The following CNTN5 variants were observed in gnomAD, a reference collection of about 807,000 sequenced individuals.
CNTN5 encodes the protein contactin 5.
In CNTN5, 77 loss-of-function variants were observed where a neutral mutation model predicts 129.1. That is an observed-to-expected ratio of 0.60 (90% CI 0.50 to 0.72). The LOEUF is 0.72. Among genes scored for constraint, CNTN5 ranks in the 30% least tolerant of loss-of-function variants. The pLI is 0.00. For missense variants in CNTN5, 1,478 were observed against 1,328.8 expected (o/e 1.11, Z -1.75); for synonymous variants, 509 against 465.6 (o/e 1.09, Z -1.20).
Position 99,972,921 on chromosome 11 carries a change from T to A in CNTN5, c.877+15912T>A, listed in dbSNP as rs570719466. Among the ~76,000 whole-genome samples, 160 of 151,610 alleles carry A rather than the reference T, an allele frequency of 1.1e-3. 4 individuals are homozygous for A. Among genetic ancestry groups the A allele is most frequent in the Middle Eastern group, 3.4e-3 (1 of 292 alleles). The stretch of plus-strand genomic sequence containing the variant: ...CAGTATATTTTAATTGTGTGTACAG[T>A]AAAATGTACTGAGTGTTTCCGTACA... On this transcript the variant is annotated intron_variant, in intron 8 of 24. Transcript: ENST00000524871.
At chr11:99,915,842 G>T (rs1317273385) in intron 6 of CNTN5, among the ~76,000 whole-genome samples, 1 of 152,160 alleles carries the variant, frequency 6.6e-6, no homozygotes, top group African/African-American at 2.4e-5. Flanking sequence ...TAAAAATAAA[G>T]AGTGTGGTTT....
At chr11:99,055,792 C>A (rs1864602621) in intron 1 of CNTN5, among the ~76,000 whole-genome samples, 1 of 151,952 alleles carries the variant, frequency 6.6e-6, no homozygotes, top group Non-Finnish European at 1.5e-5. Context: ...ATTGTCAGAA[C>A]CAGAATGAGT....
At chr11:99,936,944 A>G (rs979125255) in intron 7 of CNTN5, among the ~76,000 whole-genome samples, 1 of 152,200 alleles carries the variant, frequency 6.6e-6, no homozygotes, top group African/African-American at 2.4e-5. Context: ...GGAAACAACC[A>G]TGATATCGAT....
At chr11:99,518,543 C>A (rs1947146061) in intron 2 of CNTN5, among the ~76,000 whole-genome samples, 1 of 151,912 alleles carries the variant, frequency 6.6e-6, no homozygotes, top group African/African-American at 2.4e-5. Context: ...AATTTTACTT[C>A]CAAAAGGAAG....
rs147368374 is a variant in CNTN5 at position 99,191,398 on chromosome 11, G to A, written c.-209-133948G>A. ...CCTTCAATTTCTTGGAAGAGTTTGA[G>A]AGAGAGTGGTATTAGGAGTAGGAAA... On this transcript the variant is annotated intron_variant, in intron 1 of 24. Transcript: ENST00000524871. 4.6e-5 allele frequency among the ~76,000 whole-genome samples: 7 copies of A among 151,772 alleles called. No individual in the cohort carries two copies. The East Asian group carries it at 1.4e-3, about 29-fold the overall frequency.
chr11:99,667,027 A>T (rs900321865), intron 3 of CNTN5, among the ~76,000 whole-genome samples: 22 of 152,092 alleles, frequency 1.4e-4, no homozygotes, highest in African/African-American at 5.1e-4. Context: ...TAGAATAATT[A>T]TTAGTATCAT....
At chr11:99,598,277 T>C (rs1950187309) in intron 3 of CNTN5, among the ~76,000 whole-genome samples, 1 of 5,298 alleles carries the variant, frequency 1.9e-4, no homozygotes, top group African/African-American at 4.1e-4. Context: ...TTCTTTTCTT[T>C]TCTTTTCTTT....
chr11:100,041,612 C>T (rs1942383409), intron 9 of CNTN5, among the ~76,000 whole-genome samples: 1 of 152,138 alleles, frequency 6.6e-6, no homozygotes, highest in Non-Finnish European at 1.5e-5. Flanking sequence ...TAAGAAACAC[C>T]TAGGCAAAAA....
chr11:99,789,195 A>G lies in CNTN5; in HGVS notation c.56-30349A>G, dbSNP rs550294419. ...ATTAGATATAAAAACAATACAAATT[A>G]TGATTATGAAACAATTTGTAGACTT... On this transcript the variant is annotated intron_variant, in intron 3 of 24. Coordinates refer to ENST00000524871, the MANE Select transcript of CNTN5 (RefSeq NM_014361.4). Among the ~76,000 whole-genome samples, 7 of 152,042 alleles carry G rather than the reference A, an allele frequency of 4.6e-5. No homozygotes were observed. The South Asian group carries it at 8.3e-4, about 18-fold the overall frequency.
chr11:99,406,760 A>T (rs1942087652), intron 2 of CNTN5, among the ~76,000 whole-genome samples: 1 of 152,164 alleles, frequency 6.6e-6, no homozygotes, highest in Non-Finnish European at 1.5e-5. Flanking sequence ...TAGCATTCAG[A>T]TCATAAGACA....
chr11:99,775,111 A>G (rs1296005122), intron 3 of CNTN5, among the ~76,000 whole-genome samples: 1 of 152,010 alleles, frequency 6.6e-6, no homozygotes. Flanking sequence ...ACTGATCATC[A>G]TTGTGGCCAT....
chr11:100,088,563 C>T (rs1944640751), intron 13 of CNTN5, among the ~76,000 whole-genome samples: 1 of 151,930 alleles, frequency 6.6e-6, no homozygotes, highest in Admixed American at 6.6e-5. Flanking sequence ...ACATTACAAC[C>T]AATCCCACAG....
At chr11:99,906,184 T>C (rs937533864) in intron 6 of CNTN5, among the ~76,000 whole-genome samples, 2 of 152,020 alleles carry the variant, frequency 1.3e-5, no homozygotes, top group Non-Finnish European at 2.9e-5. Context: ...TGAATAGGAG[T>C]GGTGAGAGAG....
At chr11:100,071,131 A>G (rs1166741476) in intron 11 of CNTN5, among the ~76,000 whole-genome samples, 3 of 151,936 alleles carry the variant, frequency 2.0e-5, no homozygotes, top group Non-Finnish European at 2.9e-5. Context: ...TTTGTTTTTT[A>G]TACTATCTTA....
chr11:100,059,554 C>A (rs1384898090), intron 9 of CNTN5, among the ~76,000 whole-genome samples: 1 of 151,966 alleles, frequency 6.6e-6, no homozygotes, highest in Non-Finnish European at 1.5e-5. Context: ...AAACATTTCA[C>A]AGAAATGCAA....
chr11:99,452,640 T>A (rs1395145323), intron 2 of CNTN5, among the ~76,000 whole-genome samples: 1 of 152,104 alleles, frequency 6.6e-6, no homozygotes, highest in East Asian at 1.9e-4. Context: ...CCCAAAGTGC[T>A]GGGATTACAG....
chr11:100,009,891 G>T (rs1302473399), intron 9 of CNTN5, among the ~76,000 whole-genome samples: 5 of 152,162 alleles, frequency 3.3e-5, no homozygotes, highest in African/African-American at 1.2e-4. Context: ...TTAATTAACT[G>T]CCTTTTGGCA....
At chr11:100,284,396 T>C (rs1287360723) in intron 18 of CNTN5, among the ~76,000 whole-genome samples, 1 of 152,220 alleles carries the variant, frequency 6.6e-6, no homozygotes, top group Non-Finnish European at 1.5e-5. Flanking sequence ...GATAGATTGA[T>C]AAATAAAGAT....
At chr11:100,002,532 A>C (rs2137478141) in intron 9 of CNTN5, among the ~76,000 whole-genome samples, 2 of 152,296 alleles carry the variant, frequency 1.3e-5, no homozygotes, top group Middle Eastern at 6.8e-3. Context: ...ATAATAAGAC[A>C]GCAGATAAAA....
Sources: allele counts gnomAD v4.1 joint callset (sites outside exome capture counted in the v4.1 genomes callset), GRCh38; gene constraint gnomAD v4.1.1; transcripts MANE v1.5; gene names NCBI Gene and HGNC (gene_info 2026-07-23, HGNC 2026-07-21).